The following SAMMSON variants were observed in gnomAD, a reference collection of about 807,000 sequenced individuals.
SAMMSON encodes long intergenic non-protein coding RNA 1212.
In SAMMSON at chr3:70,195,509, T is replaced by C. The variant is rs552136140; in HGVS notation, n.508-53598T>C. ...GAGAGTTTATTTCAAATTGGAAAAA[T>C]GTGCTAGTTTGCTACAGAAATAAAG... is the stretch of plus-strand genomic sequence containing the variant. On this transcript the variant is annotated intron_variant and non_coding_transcript_variant, in intron 4 of 9. Coordinates refer to ENST00000642114, the Ensembl canonical transcript of SAMMSON. Among the ~76,000 whole-genome samples, 7 of 152,300 alleles carry C rather than the reference T, an allele frequency of 4.6e-5. No homozygotes were observed. In the South Asian group the frequency reaches 1.5e-3, roughly 32 times the overall value.
Position 70,056,475 on chromosome 3 carries a change from T to C in SAMMSON, n.418-15001T>C, listed in dbSNP as rs573785759. Among the ~76,000 whole-genome samples the C allele has an allele frequency of 1.1e-3, 173 of 152,148 alleles. 1 individual carries two copies. The highest frequency in any genetic ancestry group is 1.9e-3 in the Non-Finnish European group (132 of 67,952). ...CAGGTTTTCTAGTTTTGTTTTCTTT[T>C]TGTACATAGTTATTTAGAAACAACC... On this transcript the variant is annotated intron_variant and non_coding_transcript_variant, in intron 3 of 9. Transcript: ENST00000642114.
At chr3:70,307,128 C>G (rs910222792) in intron 7 of SAMMSON, among the ~76,000 whole-genome samples, 1 of 152,070 alleles carries the variant, frequency 6.6e-6, no homozygotes, top group Non-Finnish European at 1.5e-5. Context: ...TGCAAACTGG[C>G]AGTCTGTGGG....
intron 9 of SAMMSON, among the ~76,000 whole-genome samples, chr3:70,377,711 A>G (rs805476): frequency 0.35 from 52,424 of 151,938 alleles, 9,611 homozygotes; most frequent in Non-Finnish European, 0.4. Flanking sequence ...GGCTGCAAGA[A>G]AAAGTTACAA....
chr3:70,090,958 G>A (rs570760514), intron 4 of SAMMSON, among the ~76,000 whole-genome samples: 1 of 152,158 alleles, frequency 6.6e-6, no homozygotes, highest in South Asian at 2.1e-4. Context: ...TAAAAATGCA[G>A]GATCAATGTA....
At chr3:70,342,841 T>G (rs1365325736) in intron 7 of SAMMSON, among the ~76,000 whole-genome samples, 1 of 152,156 alleles carries the variant, frequency 6.6e-6, no homozygotes, top group Non-Finnish European at 1.5e-5. Context: ...TCCCTTGCCC[T>G]TTTTCTTTGG....
At chr3:70,379,775 A>G (rs1703050415) in intron 9 of SAMMSON, among the ~76,000 whole-genome samples, 1 of 152,174 alleles carries the variant, frequency 6.6e-6, no homozygotes, top group Non-Finnish European at 1.5e-5. Flanking sequence ...TTTATAGAGA[A>G]AAAAAGCAAA....
Position 70,433,580 on chromosome 3 carries a change from G to A in SAMMSON, n.234-28980G>A, listed in dbSNP as rs184659484. Among the ~76,000 whole-genome samples the A allele has an allele frequency of 5.7e-3, 862 of 151,990 alleles. 8 individuals carry two copies. The highest frequency in any genetic ancestry group is 0.02 in the African/African-American group (832 of 41,478). On this transcript the variant is annotated intron_variant and non_coding_transcript_variant, in intron 2 of 3. Coordinates refer to the SAMMSON transcript ENST00000641053. ...TTGTCCTTTATCAGATACATATTTG[G>A]AAAGATTTTTCCAAGTCTGTGCTTT...
chr3:70,185,541 G>T (rs1187955382), intron 4 of SAMMSON, among the ~76,000 whole-genome samples: 1 of 152,174 alleles, frequency 6.6e-6, no homozygotes, highest in African/African-American at 2.4e-5. Flanking sequence ...TAGGACAACA[G>T]AGAGCATGAA....
rs563630027 is a variant in SAMMSON at position 70,092,912 on chromosome 3, T to G, written n.507+21347T>G. Reference sequence around the variant, plus strand: ...TTGTCTAGTGTTTTTGTTTTTTTTTTTTTGTTTTTTTTTTCCACCAGATAA... The same window carrying G: ...TTGTCTAGTGTTTTTGTTTTTTTTTGTTTGTTTTTTTTTTCCACCAGATAA... On this transcript the variant is annotated intron_variant and non_coding_transcript_variant, in intron 4 of 9. Coordinates refer to ENST00000642114, the Ensembl canonical transcript of SAMMSON. Among the ~76,000 whole-genome samples the G allele has an allele frequency of 2.1e-4, 31 of 150,712 alleles. No homozygotes were observed. In the South Asian group the frequency reaches 5.7e-3, roughly 28 times the overall value.
intron 4 of SAMMSON, among the ~76,000 whole-genome samples, chr3:70,210,260 G>A (rs1701330345): frequency 6.6e-6 from 1 of 152,120 alleles, no homozygotes. Context: ...CACTAGGCTT[G>A]TACTGAGAGA....
intron 2 of SAMMSON, among the ~76,000 whole-genome samples, chr3:70,429,360 T>TACCATATATGG (rs1701395786): frequency 6.6e-6 from 1 of 152,226 alleles, no homozygotes; most frequent in African/African-American, 2.4e-5. Flanking sequence ...GTGGTTTTGG[T>TACCATATATGG]TACCATAGCT....
chr3:70,184,122 A>G (rs1256452780), intron 4 of SAMMSON: 1 of 152,226 alleles, frequency 6.6e-6, no homozygotes, highest in African/African-American at 2.4e-5. Context: ...CTGTTAAAAG[A>G]ATTTATAATA....
intron 4 of SAMMSON, among the ~76,000 whole-genome samples, chr3:70,123,316 G>T (rs530094935): frequency 6.6e-6 from 1 of 152,306 alleles, no homozygotes; most frequent in African/African-American, 2.4e-5. Context: ...GCCTAGGCTG[G>T]AGTACAGTGG....
intron 7 of SAMMSON, among the ~76,000 whole-genome samples, chr3:70,339,809 C>T (rs530015518): frequency 3.1e-4 from 47 of 152,272 alleles, no homozygotes; most frequent in African/African-American, 1.1e-3. Flanking sequence ...ATTGGTGGGA[C>T]TGCAAACTAG....
intron 4 of SAMMSON, among the ~76,000 whole-genome samples, chr3:70,197,344 C>T (rs1576151384): frequency 1.3e-5 from 2 of 152,186 alleles, no homozygotes; most frequent in East Asian, 3.8e-4. Flanking sequence ...CTCCCCCACC[C>T]CCATGTCAGT....
chr3:70,028,389 G>A (rs1284465959), intron 3 of SAMMSON, among the ~76,000 whole-genome samples: 1 of 152,068 alleles, frequency 6.6e-6, no homozygotes, highest in African/African-American at 2.4e-5. Context: ...ACTTTAGGCA[G>A]GAGATACATT....
intron 4 of SAMMSON, chr3:70,125,242 C>T (rs2106669895): frequency 7.6e-7 from 1 of 1,319,236 alleles, no homozygotes; most frequent in South Asian, 1.2e-5. Flanking sequence ...CTTCTTTCAT[C>T]AAACGTATAT....
At chr3:70,248,330 G>A (rs1332619048) in intron 4 of SAMMSON, among the ~76,000 whole-genome samples, 2 of 152,048 alleles carry the variant, frequency 1.3e-5, no homozygotes, top group African/African-American at 4.8e-5. Context: ...CACCTCTGAA[G>A]GAGTTTATAA....
chr3:70,043,165 T>A (rs1489946773), intron 3 of SAMMSON, among the ~76,000 whole-genome samples: 3 of 152,102 alleles, frequency 2.0e-5, no homozygotes, highest in Admixed American at 6.6e-5. Flanking sequence ...GATTCCCATT[T>A]CAGAGCCAGG....
Sources: gnomAD v4.1 joint callset for allele counts (sites outside exome capture counted in the v4.1 genomes callset) on GRCh38, gnomAD v4.1.1 for gene constraint, MANE v1.5 for transcripts, NCBI Gene and HGNC (gene_info 2026-07-23, HGNC 2026-07-21) for gene names.